ANKS1B: variants seen among roughly 807,000 people sequenced by gnomAD.
The protein encoded by ANKS1B is ankyrin repeat and sterile alpha motif domain containing 1B.
Under a neutral mutation model 148.3 loss-of-function variants are expected in ANKS1B, and 36 were observed. The observed-to-expected ratio is 0.24, with a 90% CI of 0.19 to 0.32. ANKS1B has a LOEUF of 0.32. Ranked by LOEUF, ANKS1B falls within the 10% of genes least tolerant of loss-of-function variation. The probability of loss-of-function intolerance (pLI) is 1.00; values close to 1 mark genes in which losing one functional copy is unlikely to be tolerated. For missense variants in ANKS1B, 1,157 were observed against 1,542.6 expected, an observed-to-expected ratio of 0.75 and a Z score of 4.19; for synonymous variants, 542 against 560.8, an observed-to-expected ratio of 0.97 and a Z score of 0.47.
chr12:99,765,353 AT>A (rs569367176), intron 8 of ANKS1B, among the ~76,000 whole-genome samples: 2 of 152,094 alleles, frequency 1.3e-5, no homozygotes, highest in African/African-American at 2.4e-5. Flanking sequence ...CTGTTTACTG[AT>A]TTTTTTAGTA....
intron 25 of ANKS1B, among the ~76,000 whole-genome samples, chr12:98,769,487 T>C (rs2098539845): frequency 6.6e-6 from 1 of 152,164 alleles, no homozygotes; most frequent in African/African-American, 2.4e-5. Flanking sequence ...CCTAAGCTAG[T>C]AATGTTTACA....
chr12:99,192,789 C>A (rs1264275513), intron 14 of ANKS1B, among the ~76,000 whole-genome samples: 4 of 151,928 alleles, frequency 2.6e-5, no homozygotes, highest in African/African-American at 9.7e-5. Context: ...AAAAAAATTC[C>A]AAATTATTCT....
chr12:99,828,684 CAG>C (rs1185375932), intron 1 of ANKS1B, among the ~76,000 whole-genome samples: 2 of 151,854 alleles, frequency 1.3e-5, no homozygotes, highest in Non-Finnish European at 2.9e-5. Context: ...AAAAGAAAAT[CAG>C]AGATAAAATC....
At chr12:99,239,495 AG>A (rs1212004883) in intron 14 of ANKS1B, among the ~76,000 whole-genome samples, 2 of 152,236 alleles carry the variant, frequency 1.3e-5, no homozygotes, top group African/African-American at 4.8e-5. Flanking sequence ...AACACTCTTC[AG>A]GATATTATCT....
intron 14 of ANKS1B, among the ~76,000 whole-genome samples, chr12:99,227,516 CA>C (rs1391689582): frequency 2.0e-5 from 3 of 152,086 alleles, no homozygotes; most frequent in African/African-American, 7.2e-5. Flanking sequence ...TGGGGCAAGC[CA>C]AAAGTCAGGA....
Position 99,246,361 on chromosome 12 carries a change from C to T in ANKS1B, c.2260G>A (p.Val754Ile). Reference protein sequence around the residue: ...AYPSNEKTSRVNWSESSTAEH... With the variant: ...AYPSNEKTSRINWSESSTAEH... Reference sequence around the variant, plus strand: ...GCAGTGGAAGATTCACTCCAGTTAACTCTTGATGTTTTCTCATTGGAAGGA... The same window carrying T: ...GCAGTGGAAGATTCACTCCAGTTAATTCTTGATGTTTTCTCATTGGAAGGA... The change falls in exon 13 of 27, where the codon GTT becomes ATT. Residue 754 changes from valine (V) to isoleucine (I), a missense_variant. By Grantham distance (29) the Val-to-Ile change is conservative. This residue lies in a region of ANKS1B where 661 missense variants were observed against 642.1 expected (regional missense o/e 1.03). Transcript: ENST00000683438. 6.2e-7 allele frequency: 1 copy of T among 1,613,800 alleles called. No individual in the cohort carries two copies. Among genetic ancestry groups the T allele is most frequent in the Non-Finnish European group, 8.5e-7 (1 of 1,179,802 alleles).
At position 99,187,718 on chromosome 12, in the gene ANKS1B, G is replaced by A. The variant is rs115654210; in HGVS notation, c.2420-33323C>T. On this transcript the variant is annotated intron_variant, in intron 14 of 26. Coordinates refer to ENST00000683438, the MANE Select transcript of ANKS1B (RefSeq NM_001352186.2). ...GCACTAAACATGGAAAGGAACAACC[G>A]GTCCAGCCACTGCAAAAACATACCA... Among the ~76,000 whole-genome samples, 1,121 of 152,182 alleles carry A rather than the reference G, an allele frequency of 7.4e-3. 12 individuals carry two copies. The highest frequency in any genetic ancestry group is 0.025 in the African/African-American group (1,039 of 41,526).
At chr12:99,916,924 A>T (rs960300802) in intron 1 of ANKS1B, among the ~76,000 whole-genome samples, 3 of 152,258 alleles carry the variant, frequency 2.0e-5, no homozygotes, top group Non-Finnish European at 4.4e-5. Context: ...ACATTAGAGC[A>T]ATTTGACATT....
chr12:99,836,487 C>T (rs905555961), intron 1 of ANKS1B, among the ~76,000 whole-genome samples: 2 of 152,072 alleles, frequency 1.3e-5, no homozygotes, highest in African/African-American at 2.4e-5. Context: ...ATTCTCAATA[C>T]ATGTATTTTT....
chr12:98,802,251 A>G (rs1401627700), intron 20 of ANKS1B, among the ~76,000 whole-genome samples: 1 of 152,222 alleles, frequency 6.6e-6, no homozygotes, highest in East Asian at 1.9e-4. Context: ...TTGGTTAGAG[A>G]ACAAGTTCCA....
chr12:99,571,516 T>G (rs2097455438), intron 9 of ANKS1B, among the ~76,000 whole-genome samples: 2 of 152,096 alleles, frequency 1.3e-5, no homozygotes, highest in Non-Finnish European at 2.9e-5. Flanking sequence ...TTACTTCAAG[T>G]CTGCTATGAT....
At chr12:99,953,335 A>G (rs1469566440) in intron 1 of ANKS1B, among the ~76,000 whole-genome samples, 1 of 152,216 alleles carries the variant, frequency 6.6e-6, no homozygotes, top group Non-Finnish European at 1.5e-5. Flanking sequence ...TGAGAAACAC[A>G]GGAAGATGAG....
At chr12:98,788,317 G>T (rs997313141) in intron 22 of ANKS1B, among the ~76,000 whole-genome samples, 1 of 151,956 alleles carries the variant, frequency 6.6e-6, no homozygotes, top group African/African-American at 2.4e-5. Flanking sequence ...CAAGGCTTAG[G>T]TCTTCGTTTC....
At chr12:99,487,537 A>G (rs2096507502) in intron 10 of ANKS1B, among the ~76,000 whole-genome samples, 1 of 152,132 alleles carries the variant, frequency 6.6e-6, no homozygotes, top group South Asian at 2.1e-4. Flanking sequence ...TTGCCTATAT[A>G]AAGTTAGGCA....
intron 12 of ANKS1B, among the ~76,000 whole-genome samples, chr12:99,334,507 T>C (rs1603082183): frequency 6.6e-6 from 1 of 152,098 alleles, no homozygotes; most frequent in Admixed American, 6.6e-5. Flanking sequence ...ACAAGCATTA[T>C]GATATGCATG....
At chr12:99,383,187 T>C (rs1042994534) in intron 12 of ANKS1B, among the ~76,000 whole-genome samples, 2 of 152,306 alleles carry the variant, frequency 1.3e-5, no homozygotes, top group Admixed American at 6.5e-5. Context: ...TTCTGTTGCC[T>C]AAACCTTAGA....
intron 8 of ANKS1B, among the ~76,000 whole-genome samples, chr12:99,759,391 A>T (rs2061869746): frequency 1.3e-5 from 2 of 151,970 alleles, no homozygotes; most frequent in Admixed American, 6.6e-5. Context: ...TTAGAGGCTG[A>T]ATGAATTCCA....
At chr12:98,971,556 G>C (rs1379156053) in intron 17 of ANKS1B, among the ~76,000 whole-genome samples, 1 of 152,132 alleles carries the variant, frequency 6.6e-6, no homozygotes, top group Non-Finnish European at 1.5e-5. Flanking sequence ...GGATTCTTTG[G>C]AATACCCTTT....
intron 10 of ANKS1B, among the ~76,000 whole-genome samples, chr12:99,461,617 T>G (rs1017200046): frequency 6.6e-6 from 1 of 152,144 alleles, no homozygotes; most frequent in African/African-American, 2.4e-5. Flanking sequence ...TAGCTATAAT[T>G]TATGAACTTC....
Sources: gnomAD v4.1 joint callset for allele counts (sites outside exome capture counted in the v4.1 genomes callset) on GRCh38, gnomAD v4.1.1 for gene constraint, gnomAD v4.1.1 regional missense constraint, MANE v1.5 for transcripts, NCBI Gene and HGNC (gene_info 2026-07-23, HGNC 2026-07-21) for gene names.